Variants in ANO5 observed in about 807,000 individuals in gnomAD.
The protein encoded by ANO5 is anoctamin 5.
ANO5 carries 109 observed loss-of-function variants against 121.0 expected under a neutral mutation model. That is an observed-to-expected ratio of 0.90 (90% CI 0.77 to 1.06). The LOEUF is 1.06. Ranked by LOEUF, ANO5 falls within the 50% of genes least tolerant of loss-of-function variation. The probability of loss-of-function intolerance (pLI) is 0.00; values close to 1 mark genes in which losing one functional copy is unlikely to be tolerated. For synonymous variants in ANO5, 406 were observed against 359.9 expected (o/e 1.13, Z -1.45); for missense variants, 1,064 against 1,078.5 (o/e 0.99, Z 0.19).
At chr11:22,244,831 A>C (rs1362885933) in intron 9 of ANO5, among the ~76,000 whole-genome samples, 2 of 151,870 alleles carry the variant, frequency 1.3e-5, no homozygotes, top group Non-Finnish European at 2.9e-5. Context: ...TTTCTCTTGA[A>C]TCTCGATGAG....
At chr11:22,262,050 T>C in intron 15 of ANO5, 79 bp from the exon 16 acceptor site, 3 of 1,368,518 alleles carry the variant, frequency 2.2e-6, no homozygotes, top group East Asian at 2.3e-5. Context: ...TGTGACTAGA[T>C]GTTCACTTGT....
chr11:22,204,906 T>C (rs979558025), intron 2 of ANO5, among the ~76,000 whole-genome samples: 2 of 152,158 alleles, frequency 1.3e-5, no homozygotes, highest in Non-Finnish European at 2.9e-5. Context: ...TATATGTTCA[T>C]TGTAGCACTA....
At chr11:22,234,122 G>T (rs1853137727) in intron 7 of ANO5, among the ~76,000 whole-genome samples, 2 of 152,194 alleles carry the variant, frequency 1.3e-5, no homozygotes, top group South Asian at 4.1e-4. Flanking sequence ...CCCATTGATT[G>T]GAAAATTTGC....
At chr11:22,268,584 T>G (rs1241821387) in intron 17 of ANO5, among the ~76,000 whole-genome samples, 2 of 152,230 alleles carry the variant, frequency 1.3e-5, no homozygotes, top group African/African-American at 4.8e-5. Flanking sequence ...ATCACAGATT[T>G]CTCCTTTATT....
At chr11:22,265,247 A>G (rs1854321209) in intron 17 of ANO5, among the ~76,000 whole-genome samples, 1 of 152,182 alleles carries the variant, frequency 6.6e-6, no homozygotes, top group Non-Finnish European at 1.5e-5. Flanking sequence ...CAAATGAATG[A>G]CATCTACACT....
At position 22,203,818 on chromosome 11, in the gene ANO5, A is replaced by C. The variant is rs1393621988; in HGVS notation, c.55A>C (p.Lys19Gln). Residue 19 changes from lysine to glutamine, a missense_variant, in exon 2 of 22, where the codon AAG becomes CAG. Coordinates refer to ENST00000324559, the MANE Select transcript of ANO5 (RefSeq NM_213599.3). ...VLAEEGEKVN[K>Q]HIDYSFQMSE... Reference sequence around the variant, plus strand: ...ATTTAATTTAGGGGAAAAAGTCAATAAGCATATAGACTACTCTTTCCAAAT... The same window carrying C: ...ATTTAATTTAGGGGAAAAAGTCAATCAGCATATAGACTACTCTTTCCAAAT... 1 of 1,473,802 alleles carries C rather than the reference A, an allele frequency of 6.8e-7. No homozygotes were observed. The highest frequency in any genetic ancestry group is 9.4e-7 in the Non-Finnish European group (1 of 1,058,528). 91.3% of individuals were successfully genotyped at this position (1,473,802 alleles called of 1,614,324 possible). A position where few individuals can be genotyped will look rare whatever the true frequency, so the allele number is the denominator to read the frequency against.
chr11:22,274,025 T>C (rs1202921809), intron 19 of ANO5, among the ~76,000 whole-genome samples: 3 of 152,122 alleles, frequency 2.0e-5, no homozygotes, highest in Admixed American at 1.3e-4. Context: ...ATATGCTATT[T>C]ATACTATTCC....
chr11:22,204,865 C>A (rs1040492441), intron 2 of ANO5, among the ~76,000 whole-genome samples: 1 of 151,978 alleles, frequency 6.6e-6, no homozygotes, highest in South Asian at 2.1e-4. Context: ...CAAAGGAATA[C>A]AAATCATTCT....
At chr11:22,246,254 C>T (rs766337950) in intron 9 of ANO5, among the ~76,000 whole-genome samples, 1 of 152,126 alleles carries the variant, frequency 6.6e-6, no homozygotes, top group Non-Finnish European at 1.5e-5. Context: ...ATATATTCTG[C>T]ATTAGGGCAT....
Position 22,227,395 on chromosome 11 carries a change from A to G in ANO5, c.457A>G (p.Ile153Val), listed in dbSNP as rs780988638. Residue 153 changes from isoleucine (I) to valine (V), a missense_variant, in exon 7 of 22, where the codon ATT becomes GTT. Ile to Val is a conservative substitution (Grantham distance 29, BLOSUM62 3). Transcript: ENST00000324559. ...YAEVLGIKMP[I>V]KESDIPRPKH... ...TGAAGTCTTGGGAATCAAAATGCCT[A>G]TTAAGGAGAGTGATATTCCCCGCCC... is the stretch of plus-strand genomic sequence containing the variant. 1.4e-5 allele frequency: 22 copies of G among 1,613,420 alleles called. No homozygotes were observed. Among genetic ancestry groups the G allele is most frequent in the Admixed American group, 8.4e-5 (5 of 59,844 alleles).
In ANO5 at chr11:22,281,489, T is replaced by C. The variant is rs1225292096; in HGVS notation, c.*1724T>C. Reference sequence around the variant, plus strand: ...AATGATCTCATTATTGAAAGATGATTTCATATGTAGAGAAGATAATATTTC... The same window carrying C: ...AATGATCTCATTATTGAAAGATGATCTCATATGTAGAGAAGATAATATTTC... On this transcript the variant is annotated 3_prime_UTR_variant, in exon 22 of 22. Coordinates refer to ENST00000324559, the MANE Select transcript of ANO5 (RefSeq NM_213599.3). 1.3e-5 allele frequency: 2 copies of C among 149,878 alleles called. No individual in the cohort carries two copies. The highest frequency in any genetic ancestry group is 3.0e-5 in the Non-Finnish European group (2 of 67,192). 9.3% of individuals were successfully genotyped at this position (149,878 alleles called of 1,614,324 possible).
At chr11:22,209,096 T>C (rs939773931) in intron 2 of ANO5, among the ~76,000 whole-genome samples, 1 of 151,978 alleles carries the variant, frequency 6.6e-6, no homozygotes, top group African/African-American at 2.4e-5. Context: ...AGTATAAGAA[T>C]TGTAGGTTCA....
chr11:22,251,845 T>C (rs556518355), intron 12 of ANO5, among the ~76,000 whole-genome samples: 4 of 151,424 alleles, frequency 2.6e-5, no homozygotes, highest in Admixed American at 2.0e-4. Flanking sequence ...GCTAACACGG[T>C]GAAACCCCGT....
At chr11:22,241,168 C>T (rs947284430) in intron 9 of ANO5, among the ~76,000 whole-genome samples, 1 of 59,976 alleles carries the variant, frequency 1.7e-5, no homozygotes, top group Non-Finnish European at 3.5e-5. Context: ...TTTTAACCCA[C>T]ACCCCTCTCC....
At chr11:22,200,167 G>A (rs891503045) in intron 1 of ANO5, among the ~76,000 whole-genome samples, 9 of 152,108 alleles carry the variant, frequency 5.9e-5, no homozygotes, top group African/African-American at 2.2e-4. Context: ...TAAGCACACA[G>A]TGACGGTCAT....
intron 7 of ANO5, among the ~76,000 whole-genome samples, chr11:22,232,899 C>A (rs1042485271): frequency 2.0e-5 from 3 of 151,936 alleles, no homozygotes; most frequent in African/African-American, 7.3e-5. Context: ...GTTCTGTAGT[C>A]CCTTAAAACA....
intron 1 of ANO5, among the ~76,000 whole-genome samples, chr11:22,195,747 A>AATGCCATCTTCTTAC (rs1851791586): frequency 3.3e-5 from 5 of 152,104 alleles, no homozygotes; most frequent in African/African-American, 9.7e-5. Flanking sequence ...CCCCCATTTT[A>AATGCCATCTTCTTAC]AAAAAGGGCC....
intron 7 of ANO5, among the ~76,000 whole-genome samples, chr11:22,231,320 C>T (rs1253637840): frequency 6.6e-6 from 1 of 151,872 alleles, no homozygotes; most frequent in Non-Finnish European, 1.5e-5. Context: ...TTCAATATCA[C>T]TTTTATGGTC....
At chr11:22,233,865 C>A (rs1853125079) in intron 7 of ANO5, among the ~76,000 whole-genome samples, 1 of 152,056 alleles carries the variant, frequency 6.6e-6, no homozygotes, top group South Asian at 2.1e-4. Flanking sequence ...TTGAGCATCC[C>A]CCAAAAAACT....
Sources: allele counts gnomAD v4.1 joint callset (sites outside exome capture counted in the v4.1 genomes callset), GRCh38; gene constraint gnomAD v4.1.1; transcripts MANE v1.5; gene names NCBI Gene and HGNC (gene_info 2026-07-23, HGNC 2026-07-21).